Variants in ADAMTS6 observed in about 807,000 individuals in gnomAD.
ADAMTS6 encodes ADAM metallopeptidase with thrombospondin type 1 motif 6, also known as A disintegrin and metalloproteinase with thrombospondin motifs 6.
Under a neutral mutation model 144.3 loss-of-function variants are expected in ADAMTS6, and 23 were observed. The observed-to-expected ratio is 0.16, with a 90% CI of 0.11 to 0.23. The LOEUF is 0.23. ADAMTS6 is among the 10% of genes least tolerant of loss of function. The pLI is 1.00. For synonymous variants in ADAMTS6, 444 were observed against 457.5 expected, an observed-to-expected ratio of 0.97 and a Z score of 0.38; for missense variants, 999 against 1,379.6, an observed-to-expected ratio of 0.72 and a Z score of 4.37.
At chr5:65,452,039 G>T (rs1346360271) in intron 6 of ADAMTS6, 94 bp downstream of exon 6, 1 of 990,888 alleles carries the variant, frequency 1.0e-6, no homozygotes. Flanking sequence ...CCTAATAGAA[G>T]CAATAATAAA....
chr5:65,218,831 A>C (rs1757109630), intron 18 of ADAMTS6, among the ~76,000 whole-genome samples: 1 of 152,180 alleles, frequency 6.6e-6, no homozygotes, highest in Non-Finnish European at 1.5e-5. Flanking sequence ...TAAAAAAAAC[A>C]GCACAAAGAA....
At position 65,401,170 on chromosome 5, in the gene ADAMTS6, G is replaced by A. The variant is rs78441052; in HGVS notation, c.1073+50305C>T. On this transcript the variant is annotated intron_variant, in intron 7 of 24. Transcript: ENST00000381055. ...CTGTAAATAGGCCTTTAGTAATGTG[G>A]TGATAAGGTGTGGGGAAAGGGGAAA... Among the ~76,000 whole-genome samples the A allele has an allele frequency of 7.1e-3, 1,087 of 152,276 alleles. 7 individuals carry two copies. The highest frequency in any genetic ancestry group is 0.01 in the Non-Finnish European group (703 of 68,024).
At chr5:65,278,053 C>T (rs1762701391) in intron 11 of ADAMTS6, among the ~76,000 whole-genome samples, 2 of 143,022 alleles carry the variant, frequency 1.4e-5, no homozygotes, top group Admixed American at 1.5e-4. Context: ...CATAGCTTAG[C>T]TCCCACTTAT....
At chr5:65,201,133 G>T (rs1034606124) in intron 20 of ADAMTS6, among the ~76,000 whole-genome samples, 1 of 152,118 alleles carries the variant, frequency 6.6e-6, no homozygotes, top group Non-Finnish European at 1.5e-5. Flanking sequence ...CAAAGGAAAA[G>T]GTGCAAGAAG....
chr5:65,275,305 G>A (rs903731012), intron 11 of ADAMTS6, among the ~76,000 whole-genome samples: 2 of 144,990 alleles, frequency 1.4e-5, no homozygotes, highest in African/African-American at 5.1e-5. Flanking sequence ...AGGAGGGAAG[G>A]GATGGAAAGA....
chr5:65,329,467 A>G lies in ADAMTS6; in HGVS notation c.1134T>C (p.Ala378=). The change falls in exon 9 of 25, where the codon GCT becomes GCC. Residue 378 remains alanine (A), a synonymous_variant. Coordinates refer to ENST00000381055, the MANE Select transcript of ADAMTS6 (RefSeq NM_197941.4). The stretch of plus-strand genomic sequence containing the variant: ...AGCTCCTTTCAGGCTCACACATTCC[A>G]GCCACAGAGGCCAAGCCTGAATAAA... ...PCGTLGLASV[A]GMCEPERSCS... 6.2e-7 allele frequency: 1 copy of G among 1,612,262 alleles called. No individual in the cohort carries two copies. Among genetic ancestry groups the G allele is most frequent in the Non-Finnish European group, 8.5e-7 (1 of 1,179,046 alleles).
intron 1 of ADAMTS6, among the ~76,000 whole-genome samples, chr5:65,480,840 G>A (rs1326658862): frequency 6.6e-6 from 1 of 152,106 alleles, no homozygotes; most frequent in African/African-American, 2.4e-5. Context: ...ATGTCCTAGA[G>A]CATCGGGGCT....
rs184219080 is a variant in ADAMTS6, at chr5:65,159,640, C to T, written c.3245-7695G>A. On this transcript the variant is annotated intron_variant, in intron 24 of 24. Coordinates refer to ENST00000381055, the MANE Select transcript of ADAMTS6 (RefSeq NM_197941.4). ...CTCCTCTGTGCACTCATGGTCACTT[C>T]TTGCCACGCCTGGAACAGTACTGCT... is the stretch of plus-strand genomic sequence containing the variant. 1.8e-4 allele frequency among the ~76,000 whole-genome samples: 27 copies of T among 152,350 alleles called. No individual in the cohort carries two copies. In the East Asian group the frequency reaches 5.0e-3, roughly 28 times the overall value.
chr5:65,427,489 A>G (rs573102667), intron 7 of ADAMTS6, among the ~76,000 whole-genome samples: 2 of 152,264 alleles, frequency 1.3e-5, no homozygotes, highest in East Asian at 3.9e-4. Flanking sequence ...TTAGAATAAA[A>G]GCAGATAAAC....
intron 20 of ADAMTS6, among the ~76,000 whole-genome samples, chr5:65,203,410 A>G (rs569435485): frequency 6.6e-6 from 1 of 152,246 alleles, no homozygotes; most frequent in East Asian, 1.9e-4. Context: ...AGGATTAGTT[A>G]TATTATACTA....
chr5:65,389,688 T>C (rs1038535336), intron 7 of ADAMTS6, among the ~76,000 whole-genome samples: 5 of 151,992 alleles, frequency 3.3e-5, no homozygotes, highest in Non-Finnish European at 7.4e-5. Flanking sequence ...TATACATTTA[T>C]TATCACATAG....
intron 7 of ADAMTS6, among the ~76,000 whole-genome samples, chr5:65,365,638 C>T (rs1396871933): frequency 3.5e-5 from 5 of 141,182 alleles, no homozygotes; most frequent in Admixed American, 3.5e-4. Flanking sequence ...CAGAGTGAGA[C>T]TCTGTTTCAA....
In ADAMTS6 at chr5:65,334,082, A is replaced by G. The variant is rs1036417054; in HGVS notation, c.1077T>C (p.Tyr359=). 4.0e-6 allele frequency: 6 copies of G among 1,496,156 alleles called. No homozygotes were observed. Among genetic ancestry groups the G allele is most frequent in the African/African-American group, 1.5e-5 (1 of 68,062 alleles). The allele number at this position is 1,496,156 out of a possible 1,614,324, so 92.7% of individuals were successfully genotyped here. Residue 359 remains tyrosine, a synonymous_variant, in exon 8 of 25, where the codon TAT becomes TAC. Transcript: ENST00000381055. ...HHDNAVLITR[Y]DICTYKNKPC... is the part of the protein sequence containing the mutation. ...GCTTATTTTTATAAGTGCAGATATC[A>G]TATCTATGGAGAAAACAGAGATGAA... is the stretch of plus-strand genomic sequence containing the variant.
intron 9 of ADAMTS6, among the ~76,000 whole-genome samples, chr5:65,305,518 T>C (rs1743856682): frequency 6.6e-6 from 1 of 152,062 alleles, no homozygotes; most frequent in African/African-American, 2.4e-5. Flanking sequence ...AGAAAACTAA[T>C]TCAACTCTCT....
intron 7 of ADAMTS6, among the ~76,000 whole-genome samples, chr5:65,351,781 C>T (rs1748867112): frequency 6.6e-6 from 1 of 150,858 alleles, no homozygotes; most frequent in African/African-American, 2.4e-5. Flanking sequence ...TCAGGCAACA[C>T]AGAGAGAATT....
At chr5:65,211,948 A>T (rs1378788634) in intron 20 of ADAMTS6, among the ~76,000 whole-genome samples, 2 of 152,198 alleles carry the variant, frequency 1.3e-5, no homozygotes, top group Non-Finnish European at 2.9e-5. Flanking sequence ...GTTTACAAAG[A>T]TGCACAGACT....
rs1327841562 is a variant in ADAMTS6, at chr5:65,260,540, T to A, written c.1830+60A>T. The A allele has an allele frequency of 4.3e-6, 6 of 1,406,760 alleles. 1 individual carries two copies. Among genetic ancestry groups the A allele is most frequent in the African/African-American group, 1.4e-5 (1 of 69,156 alleles). The allele number at this position is 1,406,760 out of a possible 1,614,324, so 87.1% of individuals were successfully genotyped here. The stretch of plus-strand genomic sequence containing the variant: ...ATCAAATAGTTTAAAATTAAAAAAA[T>A]TTCCCTACTCTAGGGAAAGAGTAAG... On this transcript the variant is annotated intron_variant, in intron 14 of 24. Transcript: ENST00000381055.
At chr5:65,434,191 A>C (rs1757210636) in intron 7 of ADAMTS6, among the ~76,000 whole-genome samples, 1 of 152,220 alleles carries the variant, frequency 6.6e-6, no homozygotes, top group Non-Finnish European at 1.5e-5. Flanking sequence ...AAATGTCCAG[A>C]ATTTCAGGCA....
At chr5:65,300,980 G>A (rs1282774899) in intron 9 of ADAMTS6, among the ~76,000 whole-genome samples, 1 of 152,120 alleles carries the variant, frequency 6.6e-6, no homozygotes, top group Non-Finnish European at 1.5e-5. Flanking sequence ...TAACACACAT[G>A]TAATTTGTGG....
Sources: gnomAD v4.1 joint callset for allele counts (sites outside exome capture counted in the v4.1 genomes callset) on GRCh38, gnomAD v4.1.1 for gene constraint, MANE v1.5 for transcripts, NCBI Gene and HGNC (gene_info 2026-07-23, HGNC 2026-07-21) for gene names.